The following MTHFD2L variants were observed in gnomAD, a reference collection of about 807,000 sequenced individuals.
MTHFD2L encodes bifunctional methylenetetrahydrofolate dehydrogenase/cyclohydrolase 2, mitochondrial.
In MTHFD2L, 29 loss-of-function variants were observed where a neutral mutation model predicts 34.9. That is an observed-to-expected ratio of 0.83 (90% confidence interval 0.62 to 1.13). The LOEUF (loss-of-function observed/expected upper bound fraction) is 1.13. Among genes scored for constraint, MTHFD2L ranks in the 50% most tolerant of loss-of-function variants. MTHFD2L has a pLI of 0.00. For synonymous variants in MTHFD2L, 167 were observed against 155.7 expected, an observed-to-expected ratio of 1.07 and a Z score of -0.54; for missense variants, 481 against 446.5, an observed-to-expected ratio of 1.08 and a Z score of -0.70.
chr4:74,279,091 A>G (rs1747082292), intron 6 of MTHFD2L, among the ~76,000 whole-genome samples: 1 of 152,122 alleles, frequency 6.6e-6, no homozygotes, highest in South Asian at 2.1e-4. Context: ...TTTTCTGAAC[A>G]CAAATGACCA....
chr4:74,124,829 A>T (rs956591733), upstream of MTHFD2L, among the ~76,000 whole-genome samples: 1 of 152,116 alleles, frequency 6.6e-6, no homozygotes, highest in African/African-American at 2.4e-5. Context: ...TTCAGAGTGG[A>T]TTATATTATA....
At chr4:74,207,399 G>C (rs1735529721) in intron 5 of MTHFD2L, among the ~76,000 whole-genome samples, 1 of 152,122 alleles carries the variant, frequency 6.6e-6, no homozygotes, top group Admixed American at 6.6e-5. Flanking sequence ...GCAACCAGCT[G>C]GTTTTGCTTA....
intron 3 of MTHFD2L, among the ~76,000 whole-genome samples, chr4:74,189,234 T>G (rs552175384): frequency 1.3e-5 from 2 of 152,270 alleles, no homozygotes; most frequent in Non-Finnish European, 2.9e-5. Flanking sequence ...TTTCTGCACT[T>G]GAAGTTCATT....
chr4:74,121,580 ATAATTATTTAATTATATATAAT>A (rs1240889065), upstream of MTHFD2L, among the ~76,000 whole-genome samples: 253 of 146,782 alleles, frequency 1.7e-3, no homozygotes, highest in East Asian at 8.4e-3. Flanking sequence ...GGTGAGTTGT[ATAATTATTTAATTATATATAAT>A]TAATTATTTA....
chr4:74,238,865 T>C (rs996551125), intron 6 of MTHFD2L, among the ~76,000 whole-genome samples: 4 of 152,122 alleles, frequency 2.6e-5, no homozygotes, highest in African/African-American at 9.7e-5. Context: ...TGTGGAGAAA[T>C]AGGAACACGT....
chr4:74,123,928 C>T (rs1721895341), upstream of MTHFD2L, among the ~76,000 whole-genome samples: 1 of 152,076 alleles, frequency 6.6e-6, no homozygotes, highest in South Asian at 2.1e-4. Context: ...ATCTCTATAC[C>T]TCTCAGAAAA....
chr4:74,250,694 T>C (rs552930503), intron 6 of MTHFD2L, among the ~76,000 whole-genome samples: 1 of 152,234 alleles, frequency 6.6e-6, no homozygotes, highest in Non-Finnish European at 1.5e-5. Flanking sequence ...GAGCTTCTAA[T>C]AGGTTGTTAT....
chr4:74,208,783 G>A (rs181946227), intron 5 of MTHFD2L, among the ~76,000 whole-genome samples: 12 of 152,250 alleles, frequency 7.9e-5, no homozygotes, highest in South Asian at 2.1e-4. Context: ...CTCTCAGAGC[G>A]CCACCCAGTC....
chr4:74,199,739 A>C, intron 3 of MTHFD2L, 55 bp from the exon 4 acceptor site: 1 of 1,459,224 alleles, frequency 6.9e-7, no homozygotes, highest in Non-Finnish European at 9.3e-7. Flanking sequence ...TTCATTTTTC[A>C]GGCTACCAAA....
At chr4:74,135,593 C>A (rs1578236781) in intron 1 of MTHFD2L, among the ~76,000 whole-genome samples, 2 of 152,228 alleles carry the variant, frequency 1.3e-5, no homozygotes, top group East Asian at 3.9e-4. Flanking sequence ...AATACCAATT[C>A]TATTCAAATA....
At chr4:74,141,743 G>T (rs1241826326) in intron 1 of MTHFD2L, among the ~76,000 whole-genome samples, 1 of 152,074 alleles carries the variant, frequency 6.6e-6, no homozygotes, top group Non-Finnish European at 1.5e-5. Flanking sequence ...AACTAAAGGG[G>T]ACCAAGAAGT....
At chr4:74,282,177 A>T (rs969624911) in intron 7 of MTHFD2L, among the ~76,000 whole-genome samples, 1 of 152,086 alleles carries the variant, frequency 6.6e-6, no homozygotes, top group African/African-American at 2.4e-5. Context: ...GGGCCCCAGT[A>T]CTTCTAGATG....
chr4:74,119,558 C>T (rs192321412), upstream of MTHFD2L, among the ~76,000 whole-genome samples: 1,058 of 152,074 alleles, frequency 7.0e-3, 9 homozygotes, highest in African/African-American at 0.024. Flanking sequence ...CCGAGGCGGG[C>T]GGATCACGAG....
chr4:74,158,305 T>C, intron 1 of MTHFD2L, 24 bp downstream of exon 1: 1 of 1,256,948 alleles, frequency 8.0e-7, no homozygotes, highest in Non-Finnish European at 1.0e-6. Flanking sequence ...GGGCGCCGGG[T>C]GCGGAGCCGC....
intron 1 of MTHFD2L, among the ~76,000 whole-genome samples, chr4:74,141,180 A>G (rs1467048627): frequency 6.6e-6 from 1 of 152,220 alleles, no homozygotes; most frequent in African/African-American, 2.4e-5. Context: ...TGCTCTAAGT[A>G]ATAACTGAAA....
intron 5 of MTHFD2L, among the ~76,000 whole-genome samples, chr4:74,202,002 C>T (rs1438973999): frequency 6.6e-6 from 1 of 152,126 alleles, no homozygotes; most frequent in East Asian, 1.9e-4. Context: ...AGGGGTCTGT[C>T]CCACAGACCC....
chr4:74,278,482 AC>A (rs1746979445), intron 6 of MTHFD2L, among the ~76,000 whole-genome samples: 1 of 152,072 alleles, frequency 6.6e-6, no homozygotes, highest in South Asian at 2.1e-4. Flanking sequence ...AACAAAACAA[AC>A]AACTACCTTT....
upstream of MTHFD2L, among the ~76,000 whole-genome samples, chr4:74,120,198 T>C (rs1721729506): frequency 6.6e-6 from 1 of 152,178 alleles, no homozygotes; most frequent in African/African-American, 2.4e-5. Flanking sequence ...AAAGGTGGCA[T>C]GTGTTTCTCA....
chr4:74,223,799 T>G (rs915632049), intron 5 of MTHFD2L, among the ~76,000 whole-genome samples: 2 of 152,114 alleles, frequency 1.3e-5, no homozygotes, highest in African/African-American at 4.8e-5. Context: ...ATCTTTCTAT[T>G]GAATTTTTAA....
Sources: gnomAD v4.1 joint callset for allele counts (sites outside exome capture counted in the v4.1 genomes callset) on GRCh38, gnomAD v4.1.1 for gene constraint, MANE v1.5 for transcripts, NCBI Gene and HGNC (gene_info 2026-07-23, HGNC 2026-07-21) for gene names.